MGA: variants seen among roughly 807,000 people sequenced by gnomAD.
MGA encodes the protein MAX dimerization protein MGA.
MGA carries 40 observed loss-of-function variants against 261.1 expected under a neutral mutation model. That is an observed-to-expected ratio of 0.15 (90% CI 0.12 to 0.20). MGA has a LOEUF of 0.20. MGA is among the 10% of genes least tolerant of loss of function. The probability of loss-of-function intolerance (pLI) is 1.00; values close to 1 mark genes in which losing one functional copy is unlikely to be tolerated. For missense variants in MGA, 3,397 were observed against 3,630.5 expected, an observed-to-expected ratio of 0.94 and a Z score of 1.65; for synonymous variants, 1,302 against 1,290.6, an observed-to-expected ratio of 1.01 and a Z score of -0.19.
chr15:41,706,334 T>C (rs2060111653), intron 5 of MGA, among the ~76,000 whole-genome samples: 1 of 151,798 alleles, frequency 6.6e-6, no homozygotes, highest in South Asian at 2.1e-4. Context: ...GTCTTTTTTT[T>C]TTTTTTTAAG....
chr15:41,763,309 G>T (rs574684813), intron 22 of MGA, among the ~76,000 whole-genome samples: 5 of 150,860 alleles, frequency 3.3e-5, no homozygotes, highest in African/African-American at 1.2e-4. Context: ...CACCGTGTTA[G>T]CCAGGATGGT....
At chr15:41,748,064 T>A (rs149453093) in intron 15 of MGA, among the ~76,000 whole-genome samples, 253 of 151,054 alleles carry the variant, frequency 1.7e-3, no homozygotes, top group African/African-American at 5.8e-3. Flanking sequence ...TGAGACTAGC[T>A]TGAGCAACAA....
At chr15:41,711,692 G>C (rs951600274) in intron 8 of MGA, among the ~76,000 whole-genome samples, 1 of 152,034 alleles carries the variant, frequency 6.6e-6, no homozygotes, top group African/African-American at 2.4e-5. Context: ...TTTGAAAATT[G>C]TGCTTTTATT....
intron 11 of MGA, among the ~76,000 whole-genome samples, chr15:41,732,596 G>A (rs560150730): frequency 5.3e-5 from 8 of 152,326 alleles, no homozygotes; most frequent in Admixed American, 6.5e-5. Context: ...CTTATTGTGA[G>A]GTGGGAGGTA....
chr15:41,757,735 G>A (rs1777979998), intron 18 of MGA, 53 bp from the exon 19 acceptor site: 5 of 1,459,102 alleles, frequency 3.4e-6, no homozygotes, highest in Non-Finnish European at 4.8e-6. Flanking sequence ...TGTGAAATAG[G>A]TCTTAGATTA....
intron 2 of MGA, among the ~76,000 whole-genome samples, chr15:41,681,961 A>G (rs529460583): frequency 3.3e-5 from 5 of 152,226 alleles, no homozygotes; most frequent in Non-Finnish European, 7.4e-5. Context: ...CTTATTGCCC[A>G]GGCTGGAGTG....
intron 1 of MGA, among the ~76,000 whole-genome samples, chr15:41,642,398 C>T (rs1022373129): frequency 1.3e-5 from 2 of 151,390 alleles, no homozygotes; most frequent in Non-Finnish European, 2.9e-5. Context: ...CAACTTCCAC[C>T]TCCCGGGTTC....
rs1172103788 is a variant in MGA, at chr15:41,766,857, C to T, written c.8775C>T (p.Val2925=). 1 of 1,613,864 alleles carries T rather than the reference C, an allele frequency of 6.2e-7. No homozygotes were observed. The highest frequency in any genetic ancestry group is 8.5e-7 in the Non-Finnish European group (1 of 1,179,888). The change falls in exon 24 of 24, where the codon GTC becomes GTT. Residue 2925 remains valine (V), a synonymous_variant. Transcript: ENST00000219905. The stretch of plus-strand genomic sequence containing the variant: ...CAGAACCAGCCTCTGAGCCAGATGT[C>T]CTTAAGATTGTTATTGACTCTGAAA...
At chr15:41,690,115 C>T (rs1409572788) in intron 2 of MGA, among the ~76,000 whole-genome samples, 3 of 152,150 alleles carry the variant, frequency 2.0e-5, no homozygotes, top group Non-Finnish European at 4.4e-5. Flanking sequence ...CCAGCTCCAC[C>T]CAATCCAACA....
intron 14 of MGA, among the ~76,000 whole-genome samples, chr15:41,740,857 T>A (rs2062049900): frequency 6.6e-6 from 1 of 152,224 alleles, no homozygotes; most frequent in African/African-American, 2.4e-5. Flanking sequence ...TTCCTTAACA[T>A]TTAAATGCTG....
chr15:41,691,793 T>A lies in MGA; in HGVS notation c.1065-4282T>A, dbSNP rs367914298. 4.5e-5 allele frequency: 9 copies of A among 199,152 alleles called. No homozygotes were observed. In the East Asian group the frequency reaches 1.1e-3, roughly 25 times the overall value. The allele number at this position is 199,152 out of a possible 1,614,324, so 12.3% of individuals were successfully genotyped here. Reference sequence around the variant, plus strand: ...TGAGTCACTAGTCAGTCTGTTGTTCTCTTTGTTGTTCCTCCAGTGTAATGT... The same window carrying A: ...TGAGTCACTAGTCAGTCTGTTGTTCACTTTGTTGTTCCTCCAGTGTAATGT... On this transcript the variant is annotated intron_variant, in intron 2 of 23. Coordinates refer to ENST00000219905, the MANE Select transcript of MGA (RefSeq NM_001164273.2).
intron 1 of MGA, among the ~76,000 whole-genome samples, chr15:41,628,035 G>A (rs1366956795): frequency 6.6e-6 from 1 of 152,106 alleles, no homozygotes; most frequent in Non-Finnish European, 1.5e-5. Context: ...CAAAGTCCAT[G>A]CCCTCATGGA....
At chr15:41,684,463 A>T (rs1415762266) in intron 2 of MGA, 1 of 416,822 alleles carries the variant, frequency 2.4e-6, no homozygotes, top group Admixed American at 3.0e-5. Flanking sequence ...TGTTTGTGAA[A>T]TTTTTTCCCC....
At chr15:41,675,546 A>T (rs1012608802) in intron 2 of MGA, among the ~76,000 whole-genome samples, 1 of 151,854 alleles carries the variant, frequency 6.6e-6, no homozygotes, top group Non-Finnish European at 1.5e-5. Flanking sequence ...GTTAATTTTT[A>T]AAAAAGATTT....
Position 41,750,704 on chromosome 15 carries a change from A to G in MGA, c.7008+89A>G, listed in dbSNP as rs1035668164. 2.8e-5 allele frequency: 35 copies of G among 1,229,274 alleles called. No homozygotes were observed. The African/African-American group carries it at 4.9e-4, about 17-fold the overall frequency. The allele number at this position is 1,229,274 out of a possible 1,614,324, so 76.1% of individuals were successfully genotyped here. A position where few individuals can be genotyped will look rare whatever the true frequency, so the allele number is the denominator to read the frequency against. On this transcript the variant is annotated intron_variant, in intron 17 of 23. Coordinates refer to ENST00000219905, the MANE Select transcript of MGA (RefSeq NM_001164273.2). ...AGCTTTTTCAGAAGAGCACTAAGGC[A>G]TAATACATTTAATTGGATGCCTAGG... is the stretch of plus-strand genomic sequence containing the variant.
upstream of MGA, among the ~76,000 whole-genome samples, chr15:41,659,775 T>C (rs2150795093): frequency 6.6e-6 from 1 of 152,348 alleles, no homozygotes; most frequent in Non-Finnish European, 1.5e-5. Flanking sequence ...ATATCTTTCA[T>C]CTTTATATCC....
chr15:41,722,364 C>T (rs965328323), intron 9 of MGA, among the ~76,000 whole-genome samples: 7 of 152,086 alleles, frequency 4.6e-5, no homozygotes, highest in Middle Eastern at 3.4e-3. Context: ...CTGCTGACCT[C>T]GTGATCCGCC....
At chr15:41,643,079 A>T (rs1414369506) in intron 1 of MGA, among the ~76,000 whole-genome samples, 5 of 140,398 alleles carry the variant, frequency 3.6e-5, no homozygotes, top group South Asian at 2.2e-4. Flanking sequence ...ATTATTTTTT[A>T]TTTTTTTTTT....
intron 2 of MGA, among the ~76,000 whole-genome samples, chr15:41,681,138 A>C (rs1213661845): frequency 6.6e-6 from 1 of 152,202 alleles, no homozygotes; most frequent in Non-Finnish European, 1.5e-5. Context: ...CATAATACAT[A>C]ATGTAAAAAG....
Sources: gnomAD v4.1 joint callset for allele counts (sites outside exome capture counted in the v4.1 genomes callset) on GRCh38, gnomAD v4.1.1 for gene constraint, MANE v1.5 for transcripts, NCBI Gene and HGNC (gene_info 2026-07-23, HGNC 2026-07-21) for gene names.